The following CYBB variants were observed in gnomAD, a reference collection of about 807,000 sequenced individuals.
CYBB encodes NADPH oxidase 2.
Under a neutral mutation model 46.5 loss-of-function variants are expected in CYBB, and 5 were observed. The ratio of observed to expected loss-of-function variants is 0.11; its 90% CI spans 0.06 to 0.23. CYBB has a LOEUF of 0.23. CYBB is among the 10% of genes least tolerant of loss of function. The pLI is 1.00. For synonymous variants in CYBB, 183 were observed against 156.7 expected, an observed-to-expected ratio of 1.17 and a Z score of -1.26; for missense variants, 307 against 428.3, an observed-to-expected ratio of 0.72 and a Z score of 2.50.
At chrX:37,796,227 G>A (rs1298903574) in intron 6 of CYBB, 86 bp downstream of exon 6, 1 of 821,685 alleles carries the variant, frequency 1.2e-6, no homozygotes. Context: ...TGACCTCCTT[G>A]CCTGTGTGTG....
At chrX:37,799,772 C>A (rs375860139) in intron 7 of CYBB, among the ~76,000 whole-genome samples, 1 of 111,572 alleles carries the variant, frequency 9.0e-6, no homozygotes, top group African/African-American at 3.3e-5. Context: ...GCCTTGTAAT[C>A]TTCATATCAT....
At chrX:37,797,074 G>A (rs1929328180) in intron 6 of CYBB, among the ~76,000 whole-genome samples, 1 of 111,273 alleles carries the variant, frequency 9.0e-6, no homozygotes, top group Admixed American at 9.6e-5. Context: ...TAGGGTTGGA[G>A]GAAGTAGAAG....
Position 37,783,513 on chromosome X carries a change from C to T in CYBB, c.165C>T (p.Ala55=), listed in dbSNP as rs1556464863. Residue 55 remains alanine, a synonymous_variant, in exon 3 of 13, where the codon GCC becomes GCT. Transcript: ENST00000378588. The part of the protein sequence containing the change: ...LLGSALALAR[A]PAACLNFNCM... ...AGTCAGCACTGGCACTGGCCAGGGC[C>T]CCTGCAGCCTGCCTGAATTTCAACT... 8.3e-7 allele frequency: 1 copy of T among 1,206,877 alleles called. No individual in the cohort carries two copies. Among genetic ancestry groups the T allele is most frequent in the Non-Finnish European group, 1.1e-6 (1 of 892,459 alleles).
intron 1 of CYBB, among the ~76,000 whole-genome samples, chrX:37,781,548 C>T (rs1928952265): frequency 9.0e-6 from 1 of 111,383 alleles, no homozygotes; most frequent in South Asian, 3.7e-4. Context: ...AATCCCAAGC[C>T]CCTCACTATG....
intron 8 of CYBB, among the ~76,000 whole-genome samples, chrX:37,803,602 C>T (rs782219421): frequency 7.2e-5 from 8 of 111,322 alleles, no homozygotes; most frequent in Non-Finnish European, 1.1e-4. Flanking sequence ...GCTGATACTA[C>T]AGGGAGTGTG....
At chrX:37,781,802 G>C (rs1334142201) in intron 1 of CYBB, among the ~76,000 whole-genome samples, 8 of 111,527 alleles carry the variant, frequency 7.2e-5, no homozygotes, top group African/African-American at 2.3e-4. Flanking sequence ...AAGCAAAAGA[G>C]AGGGGAAAAA....
At chrX:37,809,803 A>G in intron 12 of CYBB, 112 bp downstream of exon 12, 2 of 783,963 alleles carry the variant, frequency 2.6e-6, no homozygotes, top group Non-Finnish European at 1.8e-6. Flanking sequence ...ATATTACTAT[A>G]TAAAGATTGA....
intron 3 of CYBB, among the ~76,000 whole-genome samples, chrX:37,791,018 A>G (rs987310895): frequency 9.0e-6 from 1 of 111,497 alleles, no homozygotes; most frequent in African/African-American, 3.3e-5. Flanking sequence ...TCAAACTCAC[A>G]TTTTCTAACA....
intron 4 of CYBB, among the ~76,000 whole-genome samples, 163 bp from the exon 5 acceptor site, chrX:37,793,502 T>G (rs1929238879): frequency 9.0e-6 from 1 of 110,592 alleles, no homozygotes; most frequent in East Asian, 2.9e-4. Context: ...AATTGCCTTG[T>G]CTCCTTGGTT....
intron 7 of CYBB, among the ~76,000 whole-genome samples, 200 bp downstream of exon 7, chrX:37,799,284 G>A (rs782421611): frequency 3.6e-5 from 4 of 111,995 alleles, no homozygotes; most frequent in Non-Finnish European, 7.5e-5. Flanking sequence ...GCATTGTTCT[G>A]TTATTAACAT....
rs1343683150 is a variant in CYBB at position 37,813,271 on chromosome X, A to T, written c.*2354A>T. The T allele has an allele frequency of 2.9e-5, 3 of 104,421 alleles. No individual in the cohort carries two copies. The highest frequency in any genetic ancestry group is 1.1e-4 in the African/African-American group (3 of 27,980). 8.6% of individuals were successfully genotyped at this position (104,421 alleles called of 1,213,427 possible). A position where few individuals can be genotyped will look rare whatever the true frequency, so the allele number is the denominator to read the frequency against. On this transcript the variant is annotated 3_prime_UTR_variant, in exon 13 of 13. Transcript: ENST00000378588. ...AGCATTTATTAACAGGTACTCTAAG[A>T]ATGATGAAGCATTGTTTTTAATCTT...
chrX:37,800,242 C>G (rs1262068565), intron 7 of CYBB, among the ~76,000 whole-genome samples: 4 of 111,772 alleles, frequency 3.6e-5, no homozygotes, highest in Admixed American at 9.5e-5. Flanking sequence ...ATATCCAAAT[C>G]TGGCTCCATT....
intron 8 of CYBB, 77 bp from the exon 9 acceptor site, chrX:37,803,799 GT>G (rs1439614936): frequency 4.4e-5 from 49 of 1,108,533 alleles, no homozygotes; most frequent in Non-Finnish European, 3.7e-6. Context: ...ATTTAGCTCA[GT>G]TTTTTATCCA....
Position 37,810,531 on chromosome X carries a change from G to A in CYBB, c.1587-260G>A, listed in dbSNP as rs35381658. ...ATGAATTCACCACCATTTTCTCTGT[G>A]ATAGAAGTTTCCAAAAACCTTGGTT... is the stretch of plus-strand genomic sequence containing the variant. On this transcript the variant is annotated intron_variant, in intron 12 of 12. Transcript: ENST00000378588. Among the ~76,000 whole-genome samples the A allele has an allele frequency of 1.1e-3, 125 of 112,279 alleles. 1 individual carries two copies. The East Asian group carries it at 0.012, about 11-fold the overall frequency.
intron 2 of CYBB, among the ~76,000 whole-genome samples, chrX:37,783,069 G>A (rs1366466465): frequency 9.0e-6 from 1 of 111,209 alleles, no homozygotes. Flanking sequence ...TTAATGATAT[G>A]CACCTTAAGT....
intron 5 of CYBB, 100 bp downstream of exon 5, chrX:37,793,910 A>AT: frequency 1.2e-6 from 1 of 815,013 alleles, no homozygotes; most frequent in Non-Finnish European, 1.8e-6. Context: ...AAAAAAAAAA[A>AT]GTTGGCTAAC....
chrX:37,781,983 T>C, intron 1 of CYBB, 105 bp from the exon 2 acceptor site: 1 of 642,015 alleles, frequency 1.6e-6, no homozygotes, highest in Non-Finnish European at 2.6e-6. Flanking sequence ...ACTACCTTTG[T>C]CAAAGTTGGA....
intron 4 of CYBB, among the ~76,000 whole-genome samples, chrX:37,792,974 A>G (rs1569479257): frequency 1.8e-5 from 2 of 109,355 alleles, no homozygotes; most frequent in South Asian, 3.9e-4. Context: ...ATGACCTTGA[A>G]CAAGGTTTTA....
chrX:37,810,441 A>G (rs5964149), intron 12 of CYBB, among the ~76,000 whole-genome samples: 35,122 of 111,393 alleles, frequency 0.32, 6,264 homozygotes, highest in African/African-American at 0.7. Flanking sequence ...TGGCATAGTT[A>G]GCTTGTTCCT....
Sources: gnomAD v4.1 joint callset for allele counts (sites outside exome capture counted in the v4.1 genomes callset) on GRCh38, gnomAD v4.1.1 for gene constraint, MANE v1.5 for transcripts, NCBI Gene and HGNC (gene_info 2026-07-23, HGNC 2026-07-21) for gene names.